Variants in CTNNA3 observed in about 807,000 individuals in gnomAD.
The protein encoded by CTNNA3 is catenin alpha-3.
A neutral mutation model predicts 95.7 loss-of-function variants in CTNNA3; 76 were observed. The observed-to-expected ratio is 0.79, with a 90% CI of 0.66 to 0.96. The LOEUF (loss-of-function observed/expected upper bound fraction) is 0.96, where lower values mean the gene tolerates loss of function less well. Ranked by LOEUF, CTNNA3 falls within the 40% of genes least tolerant of loss-of-function variation. CTNNA3 has a pLI of 0.00. For synonymous variants in CTNNA3, 431 were observed against 374.4 expected (o/e 1.15, Z -1.74); for missense variants, 1,191 against 1,089.8 (o/e 1.09, Z -1.31).
intron 13 of CTNNA3, among the ~76,000 whole-genome samples, chr10:66,211,986 T>TG (rs2088189118): frequency 1.1e-5 from 1 of 88,418 alleles, no homozygotes; most frequent in South Asian, 3.7e-4. Context: ...TTTTTGGGTT[T>TG]TTTTTTTTTT....
At chr10:66,399,049 T>C (rs1185094941) in intron 11 of CTNNA3, among the ~76,000 whole-genome samples, 2 of 152,048 alleles carry the variant, frequency 1.3e-5, no homozygotes, top group Non-Finnish European at 2.9e-5. Context: ...TTCACTGATA[T>C]CTATGTTCTT....
chr10:66,909,528 A>C (rs1277410079), intron 7 of CTNNA3, among the ~76,000 whole-genome samples: 1 of 151,952 alleles, frequency 6.6e-6, no homozygotes, highest in Non-Finnish European at 1.5e-5. Flanking sequence ...TAAATAAATA[A>C]ATAAATAAAT....
intron 13 of CTNNA3, among the ~76,000 whole-genome samples, chr10:66,111,877 A>T (rs1408644444): frequency 6.6e-6 from 1 of 151,322 alleles, no homozygotes; most frequent in Admixed American, 6.6e-5. Flanking sequence ...TTGTTAGGCC[A>T]ATCTCAGACT....
At chr10:66,485,017 A>G (rs932642469) in intron 11 of CTNNA3, among the ~76,000 whole-genome samples, 2 of 152,128 alleles carry the variant, frequency 1.3e-5, no homozygotes, top group Admixed American at 1.3e-4. Flanking sequence ...ACAGAAAATC[A>G]TTGACAAAAT....
chr10:66,652,382 T>C lies in CTNNA3; in HGVS notation c.1282-30598A>G, dbSNP rs530199370. Among the ~76,000 whole-genome samples, 19 of 152,172 alleles carry C rather than the reference T, an allele frequency of 1.2e-4. No homozygotes were observed. The South Asian group carries it at 1.5e-3, about 12-fold the overall frequency. On this transcript the variant is annotated intron_variant, in intron 9 of 17. Transcript: ENST00000433211. ...TTATGAATAATTATATTTCAATAAT[T>C]GAATAACCTAGAAGAAATGGGTAAA... is the stretch of plus-strand genomic sequence containing the variant.
At chr10:67,726,171 A>AATAATATATATTATTATAATAT (rs1306335868) in intron 1 of CTNNA3, among the ~76,000 whole-genome samples, 1 of 98,104 alleles carries the variant, frequency 1.0e-5, no homozygotes, top group Non-Finnish European at 1.8e-5. Context: ...AATCTTATAT[A>AATAATATATATTATTATAATAT]ATAATATATA....
At chr10:67,236,792 T>C (rs185844628) in intron 5 of CTNNA3, among the ~76,000 whole-genome samples, 1 of 152,040 alleles carries the variant, frequency 6.6e-6, no homozygotes, top group Admixed American at 6.6e-5. Context: ...ACCTTACTCC[T>C]GCAAGAATAG....
intron 5 of CTNNA3, among the ~76,000 whole-genome samples, chr10:67,351,213 T>C (rs1842626012): frequency 6.6e-6 from 1 of 151,854 alleles, no homozygotes; most frequent in South Asian, 2.1e-4. Context: ...TGGGGAAGAT[T>C]TGACTTCAAA....
chr10:67,737,808 G>T (rs1408376192), intron 1 of CTNNA3, among the ~76,000 whole-genome samples: 1 of 152,180 alleles, frequency 6.6e-6, no homozygotes, highest in Non-Finnish European at 1.5e-5. Flanking sequence ...CTGTTGGTGG[G>T]ACTGTAAACT....
chr10:67,403,877 C>T (rs1845026142), intron 5 of CTNNA3, among the ~76,000 whole-genome samples: 1 of 152,216 alleles, frequency 6.6e-6, no homozygotes, highest in African/African-American at 2.4e-5. Flanking sequence ...GCCATCTTTG[C>T]TGTTTTGCAG....
chr10:66,464,803 T>G (rs1169272534), intron 11 of CTNNA3, among the ~76,000 whole-genome samples: 1 of 151,392 alleles, frequency 6.6e-6, no homozygotes, highest in East Asian at 1.9e-4. Context: ...GAAAATAAGA[T>G]TATTAAACTG....
intron 1 of CTNNA3, among the ~76,000 whole-genome samples, chr10:67,718,876 T>TGGTA (rs1841161140): frequency 6.6e-6 from 1 of 152,226 alleles, no homozygotes; most frequent in African/African-American, 2.4e-5. Flanking sequence ...TCAGAAGGAA[T>TGGTA]GGTACCAGCT....
intron 7 of CTNNA3, among the ~76,000 whole-genome samples, chr10:66,819,535 C>A (rs1413345531): frequency 6.6e-6 from 1 of 151,674 alleles, no homozygotes; most frequent in African/African-American, 2.4e-5. Context: ...CTTCAAAGAA[C>A]CCAATCAAGA....
At chr10:65,976,726 A>T (rs2078213341) in intron 16 of CTNNA3, among the ~76,000 whole-genome samples, 1 of 152,188 alleles carries the variant, frequency 6.6e-6, no homozygotes, top group African/African-American at 2.4e-5. Context: ...AGAATGCCTC[A>T]TTCCTACTTT....
At chr10:66,260,133 CAGG>C (rs2090945653) in intron 13 of CTNNA3, among the ~76,000 whole-genome samples, 1 of 152,098 alleles carries the variant, frequency 6.6e-6, no homozygotes, top group South Asian at 2.1e-4. Context: ...ACTGATCCAC[CAGG>C]AGAACAACTG....
At chr10:67,172,368 A>T (rs561923963) in intron 7 of CTNNA3, among the ~76,000 whole-genome samples, 12 of 152,314 alleles carry the variant, frequency 7.9e-5, no homozygotes, top group Non-Finnish European at 1.6e-4. Context: ...GTGTTTATAG[A>T]AGAATTATGT....
intron 7 of CTNNA3, among the ~76,000 whole-genome samples, chr10:67,046,691 GGA>G (rs1239991430): frequency 6.6e-6 from 1 of 152,130 alleles, no homozygotes; most frequent in Non-Finnish European, 1.5e-5. Context: ...CATTGGCACA[GGA>G]GAAGATAAAT....
At chr10:66,440,663 G>A (rs1289365243) in intron 11 of CTNNA3, among the ~76,000 whole-genome samples, 2 of 151,932 alleles carry the variant, frequency 1.3e-5, no homozygotes, top group Non-Finnish European at 2.9e-5. Context: ...TTGAGAATAG[G>A]GTAGTAGTTA....
intron 9 of CTNNA3, among the ~76,000 whole-genome samples, chr10:66,749,223 A>T (rs1023372980): frequency 3.4e-5 from 5 of 146,078 alleles, no homozygotes; most frequent in Non-Finnish European, 7.4e-5. Context: ...AAAAAAAAAA[A>T]AAAAAGAAAA....
Sources: allele counts gnomAD v4.1 joint callset (sites outside exome capture counted in the v4.1 genomes callset), GRCh38; gene constraint gnomAD v4.1.1; transcripts MANE v1.5; gene names NCBI Gene and HGNC (gene_info 2026-07-23, HGNC 2026-07-21).